Variants in RYR2 observed in about 807,000 individuals in gnomAD.
The protein encoded by RYR2 is ryanodine receptor 2.
In RYR2, 227 loss-of-function variants were observed where a neutral mutation model predicts 601.1. The ratio of observed to expected loss-of-function variants is 0.38; its 90% CI spans 0.34 to 0.42. RYR2 has a LOEUF of 0.42. Ranked by LOEUF, RYR2 falls within the 10% of genes least tolerant of loss-of-function variation. The pLI is 1.00. For missense variants in RYR2, 4,646 were observed against 6,156.5 expected (o/e 0.75, Z 8.21); for synonymous variants, 2,223 against 2,175.1 (o/e 1.02, Z -0.61).
intron 39 of RYR2, 26 bp downstream of exon 39, chr1:237,623,896 T>G (rs1433677663): frequency 7.0e-7 from 1 of 1,436,232 alleles, no homozygotes; most frequent in Admixed American, 1.7e-5. Context: ...TTAAAAGCTT[T>G]TATTAATTGT....
rs567935705 is a variant in RYR2 at position 237,104,822 on chromosome 1, T to A, written c.48+62253T>A. On this transcript the variant is annotated intron_variant, in intron 1 of 104. Coordinates refer to ENST00000366574, the MANE Select transcript of RYR2 (RefSeq NM_001035.3). ...CTTTGTACCGAGTTTGCAAGCACAG[T>A]GCCTGTGCGTGGCAGGCCCTCTGTA... Among the ~76,000 whole-genome samples the A allele has an allele frequency of 5.4e-4, 82 of 152,328 alleles. No homozygotes were observed. The South Asian group carries it at 0.017, about 31-fold the overall frequency.
At chr1:237,130,857 G>T (rs961861606) in intron 1 of RYR2, among the ~76,000 whole-genome samples, 1 of 151,968 alleles carries the variant, frequency 6.6e-6, no homozygotes, top group Non-Finnish European at 1.5e-5. Context: ...TTAGATACAG[G>T]GTCTTATAGA....
At chr1:237,401,985 AT>A (rs1020855441) in intron 10 of RYR2, among the ~76,000 whole-genome samples, 2 of 152,232 alleles carry the variant, frequency 1.3e-5, no homozygotes, top group African/African-American at 4.8e-5. Context: ...CTACTTACTT[AT>A]TATCAAACAT....
chr1:237,275,729 T>C (rs1001363588), intron 2 of RYR2, among the ~76,000 whole-genome samples: 6 of 152,072 alleles, frequency 3.9e-5, no homozygotes, highest in African/African-American at 1.4e-4. Context: ...ACCTCAAAAA[T>C]AGAATATACC....
chr1:237,603,812 A>T (rs1676788020), intron 35 of RYR2, among the ~76,000 whole-genome samples: 1 of 152,214 alleles, frequency 6.6e-6, no homozygotes, highest in South Asian at 2.1e-4. Flanking sequence ...ACAAAGATCA[A>T]AAGAGACAAA....
intron 73 of RYR2, among the ~76,000 whole-genome samples, chr1:237,722,790 T>C (rs963176093): frequency 2.6e-5 from 4 of 152,222 alleles, no homozygotes; most frequent in African/African-American, 7.2e-5. Flanking sequence ...GATGTTTCAA[T>C]ATACATAAGC....
At chr1:237,678,415 T>G (rs2148927663) in intron 61 of RYR2, among the ~76,000 whole-genome samples, 1 of 152,312 alleles carries the variant, frequency 6.6e-6, no homozygotes, top group Admixed American at 6.5e-5. Context: ...TTTCTTAACA[T>G]TTGGATATTG....
chr1:237,650,727 G>A (rs534132157), intron 50 of RYR2, among the ~76,000 whole-genome samples: 9 of 152,330 alleles, frequency 5.9e-5, no homozygotes, highest in African/African-American at 2.2e-4. Flanking sequence ...TCTTGCAGGT[G>A]CAGCCAGCAG....
At chr1:237,726,217 G>A (rs1690181964) in intron 74 of RYR2, 56 bp from the exon 75 acceptor site, 3 of 1,156,676 alleles carry the variant, frequency 2.6e-6, no homozygotes, top group Non-Finnish European at 3.8e-6. Context: ...TTACTGCAAA[G>A]GATAATAAAT....
At chr1:237,687,356 T>C (rs1035667573) in intron 62 of RYR2, 99 bp from the exon 63 acceptor site, 1 of 688,698 alleles carries the variant, frequency 1.5e-6, no homozygotes, top group African/African-American at 2.0e-5. Flanking sequence ...TTTTTTTCTT[T>C]TTTCTTCTTC....
At chr1:237,468,881 C>A (rs912971340) in intron 16 of RYR2, among the ~76,000 whole-genome samples, 5 of 152,096 alleles carry the variant, frequency 3.3e-5, no homozygotes, top group African/African-American at 1.2e-4. Flanking sequence ...TTCTAATGAG[C>A]AGTGGTTTGC....
intron 61 of RYR2, among the ~76,000 whole-genome samples, chr1:237,678,548 T>C (rs1685598494): frequency 6.6e-6 from 1 of 152,210 alleles, no homozygotes; most frequent in Non-Finnish European, 1.5e-5. Flanking sequence ...GTCCTGCTCA[T>C]TTTATGGAAG....
chr1:237,422,273 T>C (rs1283438966), intron 11 of RYR2, among the ~76,000 whole-genome samples: 2 of 152,218 alleles, frequency 1.3e-5, no homozygotes, highest in Non-Finnish European at 2.9e-5. Flanking sequence ...TACATACTTA[T>C]GGGGTACATA....
At chr1:237,048,723 G>T (rs12035538) in intron 1 of RYR2, among the ~76,000 whole-genome samples, 1 of 152,246 alleles carries the variant, frequency 6.6e-6, no homozygotes, top group East Asian at 1.9e-4. Context: ...GTCAGAGAAT[G>T]CTCTGACCCT....
At chr1:237,708,737 C>G (rs1688582584) in intron 68 of RYR2, 121 bp from the exon 69 acceptor site, 1 of 845,338 alleles carries the variant, frequency 1.2e-6, no homozygotes, top group Non-Finnish European at 1.8e-6. Flanking sequence ...TGAGCTGTAC[C>G]CTTAAGGAAG....
In RYR2 at chr1:237,097,741, A is replaced by G. The variant is rs1004817401; in HGVS notation, c.48+55172A>G. Among the ~76,000 whole-genome samples the G allele has an allele frequency of 2.6e-5, 4 of 152,184 alleles. No homozygotes were observed. The East Asian group carries it at 7.7e-4, about 29-fold the overall frequency. ...GGGGATTTATGTTTTTAAACCAAGT[A>G]TAATAATATTCCATGTACATCCACT... On this transcript the variant is annotated intron_variant, in intron 1 of 104. Transcript: ENST00000366574.
At chr1:237,667,521 A>T (rs927315125) in intron 57 of RYR2, among the ~76,000 whole-genome samples, 1 of 152,226 alleles carries the variant, frequency 6.6e-6, no homozygotes, top group Non-Finnish European at 1.5e-5. Context: ...AACATTCTCC[A>T]TATTCAAGTT....
intron 44 of RYR2, among the ~76,000 whole-genome samples, chr1:237,636,531 T>C (rs61669719): frequency 0.053 from 8,107 of 152,276 alleles, 721 homozygotes; most frequent in African/African-American, 0.18. Context: ...TACCAAATGC[T>C]GAGAAGGACA....
At chr1:237,359,257 AATT>A (rs1238226497) in intron 4 of RYR2, among the ~76,000 whole-genome samples, 2 of 152,204 alleles carry the variant, frequency 1.3e-5, no homozygotes, top group African/African-American at 4.8e-5. Context: ...TATCTCATGT[AATT>A]TATTGAATAC....
Sources: gnomAD v4.1 joint callset for allele counts (sites outside exome capture counted in the v4.1 genomes callset) on GRCh38, gnomAD v4.1.1 for gene constraint, MANE v1.5 for transcripts, NCBI Gene and HGNC (gene_info 2026-07-23, HGNC 2026-07-21) for gene names.